The following ZNF385D variants were observed in gnomAD, a reference collection of about 807,000 sequenced individuals.
ZNF385D encodes the protein zinc finger protein 385D.
Under a neutral mutation model 35.8 loss-of-function variants are expected in ZNF385D, and 15 were observed. The ratio of observed to expected loss-of-function variants is 0.42; its 90% CI spans 0.28 to 0.64. The LOEUF (loss-of-function observed/expected upper bound fraction) is 0.64, where lower values mean the gene tolerates loss of function less well. Ranked by LOEUF, ZNF385D falls within the 30% of genes least tolerant of loss-of-function variation. The pLI is 0.23. For missense variants in ZNF385D, 474 were observed against 494.6 expected, an observed-to-expected ratio of 0.96 and a Z score of 0.39; for synonymous variants, 212 against 186.8, an observed-to-expected ratio of 1.13 and a Z score of -1.10.
At chr3:21,681,707 A>AACC (rs1559514040) in intron 1 of ZNF385D, among the ~76,000 whole-genome samples, 2 of 151,000 alleles carry the variant, frequency 1.3e-5, no homozygotes, top group South Asian at 2.1e-4. Context: ...CGAAAAAAAA[A>AACC]AAACAAACAA....
rs143751425 is a variant in ZNF385D, at chr3:22,322,248, A to G, written c.106+50202T>C. ...ATGTAGTACCTGTTGTTTGGCATTT[A>G]TAGTCTTTCCACAAAAATTTTCTTC... On this transcript the variant is annotated intron_variant, in intron 2 of 5. Transcript: ENST00000494108. Among the ~76,000 whole-genome samples the G allele has an allele frequency of 2.5e-3, 381 of 152,264 alleles. 3 individuals carry two copies. The highest frequency in any genetic ancestry group is 9.1e-3 in the African/African-American group (377 of 41,562).
rs115127310 is a variant in ZNF385D at position 22,333,328 on chromosome 3, T to G, written c.106+39122A>C. Among the ~76,000 whole-genome samples the G allele has an allele frequency of 4.9e-3, 753 of 152,284 alleles. 11 individuals carry two copies. Among genetic ancestry groups the G allele is most frequent in the African/African-American group, 0.016 (686 of 41,576 alleles). On this transcript the variant is annotated intron_variant, in intron 2 of 5. Coordinates refer to the ZNF385D transcript ENST00000494108. ...AAATACATAGGTTTATTCACCAAAT[T>G]TAAGGAGTTTTCCATCATTATTTCT... is the stretch of plus-strand genomic sequence containing the variant.
At chr3:21,786,001 C>A (rs908689043) in intron 3 of ZNF385D, among the ~76,000 whole-genome samples, 1 of 149,172 alleles carries the variant, frequency 6.7e-6, no homozygotes, top group East Asian at 2.1e-4. Context: ...TGTGACTTAT[C>A]CCAAGTGCTG....
At chr3:21,995,561 G>C (rs186083847) in intron 3 of ZNF385D, among the ~76,000 whole-genome samples, 3 of 152,042 alleles carry the variant, frequency 2.0e-5, no homozygotes, top group Non-Finnish European at 2.9e-5. Context: ...GTGCATGAGT[G>C]CTGGTGGCAG....
At chr3:22,334,558 A>G (rs1308253100) in intron 2 of ZNF385D, among the ~76,000 whole-genome samples, 3 of 152,128 alleles carry the variant, frequency 2.0e-5, no homozygotes, top group Non-Finnish European at 2.9e-5. Context: ...CTGGTGATGA[A>G]TTCTCTCAAC....
intron 3 of ZNF385D, among the ~76,000 whole-genome samples, chr3:22,149,207 C>T (rs1302954556): frequency 1.3e-5 from 2 of 152,192 alleles, no homozygotes; most frequent in African/African-American, 4.8e-5. Flanking sequence ...TGAAATATTT[C>T]TCTAAGAATG....
intron 3 of ZNF385D, among the ~76,000 whole-genome samples, chr3:21,882,092 A>G (rs6791929): frequency 0.031 from 4,730 of 152,146 alleles, 163 homozygotes; most frequent in African/African-American, 0.08. Flanking sequence ...AGGATTTAGA[A>G]TATTACATTA....
chr3:21,484,071 TAA>T (rs1335688340), intron 4 of ZNF385D, among the ~76,000 whole-genome samples: 2 of 152,146 alleles, frequency 1.3e-5, no homozygotes, highest in South Asian at 2.1e-4. Context: ...TAGTAAGAAA[TAA>T]AGACATCTCC....
intron 2 of ZNF385D, among the ~76,000 whole-genome samples, chr3:22,324,762 C>G (rs1694598947): frequency 6.6e-6 from 1 of 152,202 alleles, no homozygotes; most frequent in African/African-American, 2.4e-5. Flanking sequence ...TCCCTCACCA[C>G]AAGTGCTACT....
intron 3 of ZNF385D, among the ~76,000 whole-genome samples, chr3:21,988,659 GAGGCAGGC>G (rs1270685235): frequency 6.6e-6 from 1 of 151,564 alleles, no homozygotes; most frequent in African/African-American, 2.4e-5. Context: ...GGAGCCTACA[GAGGCAGGC>G]AGGCCTCCTT....
At chr3:21,697,751 A>C (rs2067523393) in intron 1 of ZNF385D, among the ~76,000 whole-genome samples, 2 of 152,092 alleles carry the variant, frequency 1.3e-5, no homozygotes, top group Non-Finnish European at 2.9e-5. Flanking sequence ...AACTCAAATA[A>C]CTCAACAAGA....
rs763975022 is a variant in ZNF385D at position 22,234,950 on chromosome 3, AT to A, written c.107-65916del. The stretch of plus-strand genomic sequence containing the variant: ...CCAGGCAAAATATCTTCAAGTAAAC[AT>A]TTTTATAGTACCAAATAAGAAAATT... On this transcript the variant is annotated intron_variant, in intron 2 of 5. Coordinates refer to the ZNF385D transcript ENST00000494108. Among the ~76,000 whole-genome samples the A allele has an allele frequency of 1.8e-4, 28 of 152,022 alleles. 1 individual carries two copies. The highest frequency in any genetic ancestry group is 2.6e-4 in the Non-Finnish European group (18 of 67,930).
intron 3 of ZNF385D, among the ~76,000 whole-genome samples, chr3:21,910,294 T>G (rs1412205782): frequency 6.6e-6 from 1 of 151,996 alleles, no homozygotes; most frequent in East Asian, 1.9e-4. Flanking sequence ...AGGTTGCATA[T>G]GTTTTACGTA....
chr3:21,863,471 A>G (rs1575798410), intron 3 of ZNF385D, among the ~76,000 whole-genome samples: 1 of 152,162 alleles, frequency 6.6e-6, no homozygotes, highest in East Asian at 1.9e-4. Context: ...TCTTTGAGCA[A>G]CCTTATTGAC....
intron 1 of ZNF385D, among the ~76,000 whole-genome samples, chr3:21,665,868 C>T (rs747909625): frequency 6.6e-6 from 1 of 152,170 alleles, no homozygotes; most frequent in East Asian, 1.9e-4. Flanking sequence ...GGTAACATTC[C>T]AAAACATCAA....
chr3:21,664,959 A>G lies in ZNF385D; in HGVS notation c.92T>C (p.Leu31Pro). 1.2e-6 allele frequency: 2 copies of G among 1,613,728 alleles called. No individual in the cohort carries two copies. The highest frequency in any genetic ancestry group is 2.7e-5 in the African/African-American group (2 of 75,026). Reference protein sequence around the residue: ...RPPAPPLQPSLDIKPFLPFPL... With the variant: ...RPPAPPLQPSPDIKPFLPFPL... ...AAAGGGAAGAAATGGTTTAATATCC[A>G]GCGATGGTTGCAAAGGAGGGGCTGG... Residue 31 changes from leucine to proline, a missense_variant, in exon 2 of 8, where the codon CTG (leucine) becomes CCG (proline). Physicochemically the swap from Leu to Pro is moderately conservative, Grantham distance 98 (BLOSUM62 -3). Transcript: ENST00000281523.
chr3:21,679,710 A>T (rs1575447603), intron 1 of ZNF385D, among the ~76,000 whole-genome samples: 1 of 152,028 alleles, frequency 6.6e-6, no homozygotes, highest in Admixed American at 6.6e-5. Flanking sequence ...GGAAGGAAGG[A>T]GGTTTGGAGG....
intron 3 of ZNF385D, among the ~76,000 whole-genome samples, chr3:22,116,551 G>C (rs906593430): frequency 3.9e-5 from 6 of 151,998 alleles, no homozygotes; most frequent in Non-Finnish European, 4.4e-5. Context: ...GTATAGAAAG[G>C]AGAAGATATA....
chr3:22,049,061 C>T (rs990729269), intron 3 of ZNF385D, among the ~76,000 whole-genome samples: 2 of 152,032 alleles, frequency 1.3e-5, no homozygotes, highest in Non-Finnish European at 2.9e-5. Context: ...CTGTGCGAGG[C>T]CTATGTGGGT....
Sources: gnomAD v4.1 joint callset for allele counts (sites outside exome capture counted in the v4.1 genomes callset) on GRCh38, gnomAD v4.1.1 for gene constraint, MANE v1.5 for transcripts, NCBI Gene and HGNC (gene_info 2026-07-23, HGNC 2026-07-21) for gene names.